Variants in SAP30 observed in about 807,000 individuals in gnomAD.
SAP30 encodes histone deacetylase complex subunit SAP30.
In SAP30, 13 loss-of-function variants were observed where a neutral mutation model predicts 19.6. The ratio of observed to expected loss-of-function variants is 0.66; its 90% CI spans 0.43 to 1.05. The LOEUF (loss-of-function observed/expected upper bound fraction) is 1.05, where lower values mean the gene tolerates loss of function less well. Among genes scored for constraint, SAP30 ranks in the 50% least tolerant of loss-of-function variants. SAP30 has a pLI of 0.00. For synonymous variants in SAP30, 108 were observed against 122.7 expected (o/e 0.88, Z 0.79); for missense variants, 257 against 292.1 (o/e 0.88, Z 0.88).
Position 173,371,568 on chromosome 4 carries a change from G to A in SAP30, c.315+71G>A. The A allele has an allele frequency of 6.5e-7, 1 of 1,530,562 alleles. No individual in the cohort carries two copies. Among genetic ancestry groups the A allele is most frequent in the Non-Finnish European group, 8.8e-7 (1 of 1,139,468 alleles). 94.8% of individuals were successfully genotyped at this position (1,530,562 alleles called of 1,614,324 possible). On this transcript the variant is annotated intron_variant, in intron 1 of 3. Coordinates refer to ENST00000296504, the MANE Select transcript of SAP30 (RefSeq NM_003864.4). The surrounding 1 kb of genome is among the most constrained non-coding windows in gnomAD (Gnocchi z 6.4). Reference sequence around the variant, plus strand: ...GCCCCAGGAGCCGGGCAAAGGCACGGGTTGTCGGCGGGGTCCCCCAGACAA... The same window carrying A: ...GCCCCAGGAGCCGGGCAAAGGCACGAGTTGTCGGCGGGGTCCCCCAGACAA...
At chr4:173,375,099 C>T (rs1038937146) in intron 3 of SAP30, among the ~76,000 whole-genome samples, 23 of 150,396 alleles carry the variant, frequency 1.5e-4, no homozygotes, top group Admixed American at 4.0e-4. Context: ...TTGATTAAGC[C>T]TAGGAGTTTG....
chr4:173,371,831 A>G lies in SAP30; in HGVS notation c.315+334A>G, dbSNP rs1313278724. Among the ~76,000 whole-genome samples, 1 of 152,142 alleles carries G rather than the reference A, an allele frequency of 6.6e-6. No individual in the cohort carries two copies. The highest frequency in any genetic ancestry group is 2.4e-5 in the African/African-American group (1 of 41,434). On this transcript the variant is annotated intron_variant, in intron 1 of 3. Transcript: ENST00000296504. This position sits in a 1 kb window ranked among gnomAD's most constrained non-coding sequence, Gnocchi z 6.4. ...GGGGACCGGCGCACTGAGGGCCCAG[A>G]GTAGTTTTCTTGCAGCCCGGCAGCT...
At chr4:173,373,331 T>G in intron 1 of SAP30, 59 bp from the exon 2 acceptor site, 1 of 1,473,888 alleles carries the variant, frequency 6.8e-7, no homozygotes, top group Non-Finnish European at 9.1e-7. Flanking sequence ...TGTGTTTTAC[T>G]AATACATAGA....
At chr4:173,373,066 G>A (rs1738974930) in intron 1 of SAP30, among the ~76,000 whole-genome samples, 1 of 152,128 alleles carries the variant, frequency 6.6e-6, no homozygotes, top group Admixed American at 6.6e-5. Context: ...TTACAGGCGT[G>A]AACCACCGCG....
Position 173,371,348 on chromosome 4 carries a change from C to A in SAP30, c.166C>A (p.Pro56Thr). ...GAGAVSAAGPPGAAGPGPGQL... is the reference protein window; with the variant it reads ...GAGAVSAAGPTGAAGPGPGQL... ...GGGGGCGGTCTCAGCGGCTGGGCCCCCGGGGGCGGCCGGGCCGGGCCCCGG... is the reference window on the plus strand; with the variant it reads ...GGGGGCGGTCTCAGCGGCTGGGCCCACGGGGGCGGCCGGGCCGGGCCCCGG... The change falls in exon 1 of 4, where the codon CCG (proline) becomes ACG (threonine). Residue 56 changes from proline to threonine, a missense_variant. By Grantham distance (38) the Pro-to-Thr change is conservative. Transcript: ENST00000296504. The surrounding 1 kb of genome is among the most constrained non-coding windows in gnomAD (Gnocchi z 6.4). 2.0e-6 allele frequency: 3 copies of A among 1,468,370 alleles called. No individual in the cohort carries two copies. Among genetic ancestry groups the A allele is most frequent in the Non-Finnish European group, 2.7e-6 (3 of 1,118,060 alleles). The allele number at this position is 1,468,370 out of a possible 1,614,324, so 91.0% of individuals were successfully genotyped here.
chr4:173,375,853 G>A (rs972374321), intron 3 of SAP30, among the ~76,000 whole-genome samples: 3 of 152,214 alleles, frequency 2.0e-5, no homozygotes, highest in African/African-American at 7.2e-5. Flanking sequence ...AAGCATTACT[G>A]CCTGAGCTCC....
Position 173,371,575 on chromosome 4 carries a change from G to A in SAP30, c.315+78G>A. On this transcript the variant is annotated intron_variant, in intron 1 of 3. Transcript: ENST00000296504. This position sits in a 1 kb window ranked among gnomAD's most constrained non-coding sequence, Gnocchi z 6.4. ...GAGCCGGGCAAAGGCACGGGTTGTC[G>A]GCGGGGTCCCCCAGACAACCGCACT... 1.3e-6 allele frequency: 2 copies of A among 1,523,978 alleles called. No homozygotes were observed. The highest frequency in any genetic ancestry group is 2.6e-5 in the East Asian group (1 of 39,110). 94.4% of individuals were successfully genotyped at this position (1,523,978 alleles called of 1,614,324 possible). A position where few individuals can be genotyped will look rare whatever the true frequency, so the allele number is the denominator to read the frequency against.
intron 3 of SAP30, among the ~76,000 whole-genome samples, chr4:173,375,540 C>T (rs1232181021): frequency 6.6e-6 from 1 of 151,980 alleles, no homozygotes; most frequent in East Asian, 1.9e-4. Flanking sequence ...CAAATGAGAA[C>T]CAAAGAACTG....
In SAP30 at chr4:173,371,796, A is replaced by G. The variant is rs1007903316; in HGVS notation, c.315+299A>G. On this transcript the variant is annotated intron_variant, in intron 1 of 3. Transcript: ENST00000296504. The surrounding 1 kb of genome is among the most constrained non-coding windows in gnomAD (Gnocchi z 6.4). ...CTTCCTTCTCCTCTGCGACCGGGACACGAAACAAAGGGGACCGGCGCACTG... is the reference window on the plus strand; with the variant it reads ...CTTCCTTCTCCTCTGCGACCGGGACGCGAAACAAAGGGGACCGGCGCACTG... Among the ~76,000 whole-genome samples the G allele has an allele frequency of 1.3e-5, 2 of 151,946 alleles. No homozygotes were observed. Among genetic ancestry groups the G allele is most frequent in the African/African-American group, 4.8e-5 (2 of 41,368 alleles).
chr4:173,371,541 G>A lies in SAP30; in HGVS notation c.315+44G>A. The A allele has an allele frequency of 6.4e-7, 1 of 1,556,748 alleles. No individual in the cohort carries two copies. Among genetic ancestry groups the A allele is most frequent in the South Asian group, 1.1e-5 (1 of 89,814 alleles). On this transcript the variant is annotated intron_variant, in intron 1 of 3. Transcript: ENST00000296504. This position sits in a 1 kb window ranked among gnomAD's most constrained non-coding sequence, Gnocchi z 6.4. ...CGCCCTGCCCTCCCGCCCCTCGGTG[G>A]GGCCCCAGGAGCCGGGCAAAGGCAC...
Position 173,371,254 on chromosome 4 carries a change from T to TGCCGCGGCCGCC in SAP30, c.78_89dup (p.Ala27_Ala30dup). On this transcript the variant is annotated inframe_insertion, in exon 1 of 4. Coordinates refer to ENST00000296504, the MANE Select transcript of SAP30 (RefSeq NM_003864.4). This position sits in a 1 kb window ranked among gnomAD's most constrained non-coding sequence, Gnocchi z 6.4. The stretch of plus-strand genomic sequence containing the variant: ...CCGCCGCAGTGGCCGCAGTGGTCGC[T>TGCCGCGGCCGCC]GCCGCGGCCGCCGCCGCCTCGGCGG... 2 of 1,265,608 alleles carry TGCCGCGGCCGCC rather than the reference T, an allele frequency of 1.6e-6. No individual in the cohort carries two copies. Among genetic ancestry groups the TGCCGCGGCCGCC allele is most frequent in the Non-Finnish European group, 2.0e-6 (2 of 1,006,514 alleles). The allele number at this position is 1,265,608 out of a possible 1,614,324, so 78.4% of individuals were successfully genotyped here. A position where few individuals can be genotyped will look rare whatever the true frequency, so the allele number is the denominator to read the frequency against.
At position 173,371,578 on chromosome 4, in the gene SAP30, G is replaced by A; in HGVS notation, c.315+81G>A. ...CCGGGCAAAGGCACGGGTTGTCGGC[G>A]GGGTCCCCCAGACAACCGCACTGGC... On this transcript the variant is annotated intron_variant, in intron 1 of 3. Transcript: ENST00000296504. This position sits in a 1 kb window ranked among gnomAD's most constrained non-coding sequence, Gnocchi z 6.4. The A allele has an allele frequency of 2.6e-6, 4 of 1,520,458 alleles. No individual in the cohort carries two copies. The highest frequency in any genetic ancestry group is 1.8e-5 in the Admixed American group (1 of 54,220). The allele number at this position is 1,520,458 out of a possible 1,614,324, so 94.2% of individuals were successfully genotyped here.
intron 3 of SAP30, among the ~76,000 whole-genome samples, chr4:173,375,883 A>G (rs1193908996): frequency 3.3e-5 from 5 of 152,220 alleles, no homozygotes; most frequent in Non-Finnish European, 7.3e-5. Context: ...CAGATCAGCC[A>G]CAGAATTAGA....
intron 1 of SAP30, 45 bp from the exon 2 acceptor site, chr4:173,373,345 A>G: frequency 6.5e-7 from 1 of 1,544,248 alleles, no homozygotes; most frequent in Non-Finnish European, 8.7e-7. Flanking sequence ...ACATAGACAC[A>G]TTTTACTGTA....
At chr4:173,374,092 G>A (rs1203801047) in intron 3 of SAP30, 55 bp downstream of exon 3, 2 of 940,404 alleles carry the variant, frequency 2.1e-6, no homozygotes, top group Non-Finnish European at 3.3e-6. Flanking sequence ...AGGTTATTAA[G>A]TGCTAATGGA....
chr4:173,376,284 T>A (rs1739038092), intron 3 of SAP30, among the ~76,000 whole-genome samples: 1 of 152,230 alleles, frequency 6.6e-6, no homozygotes, highest in Admixed American at 6.5e-5. Flanking sequence ...AGGAAGCAGG[T>A]AAACATCCTT....
chr4:173,375,351 AATTTTT>A (rs1490184527), intron 3 of SAP30, among the ~76,000 whole-genome samples: 8 of 152,102 alleles, frequency 5.3e-5, no homozygotes, highest in African/African-American at 1.9e-4. Flanking sequence ...ATTTAGCTAA[AATTTTT>A]TATCCTTGGT....
At position 173,377,222 on chromosome 4, in the gene SAP30, T is replaced by C. The variant is rs1739060049; in HGVS notation, c.558T>C (p.Phe186=). 6.3e-7 allele frequency: 1 copy of C among 1,597,450 alleles called. No homozygotes were observed. Among genetic ancestry groups the C allele is most frequent in the Non-Finnish European group, 8.5e-7 (1 of 1,173,558 alleles). ...CTTTGTAGATAGTTGGTTGCCACTT[T>C]AGGTCTATTCCAGTGAATGAAAAAG... ...AQLVEIVGCH[F]RSIPVNEKDT... Residue 186 remains phenylalanine (F), a synonymous_variant, in exon 4 of 4, where the codon TTT becomes TTC. Coordinates refer to ENST00000296504, the MANE Select transcript of SAP30 (RefSeq NM_003864.4).
At chr4:173,375,338 A>G (rs1176299270) in intron 3 of SAP30, among the ~76,000 whole-genome samples, 1 of 152,142 alleles carries the variant, frequency 6.6e-6, no homozygotes, top group Non-Finnish European at 1.5e-5. Flanking sequence ...TAATATATTA[A>G]CTATTTAGCT....
Sources: gnomAD v4.1 joint callset for allele counts (sites outside exome capture counted in the v4.1 genomes callset) on GRCh38, gnomAD v4.1.1 for gene constraint, Gnocchi (gnomAD v3.1) non-coding constraint, MANE v1.5 for transcripts, NCBI Gene and HGNC (gene_info 2026-07-23, HGNC 2026-07-21) for gene names.